The following RBFOX1 variants were observed in gnomAD, a reference collection of about 807,000 sequenced individuals.
RBFOX1 encodes the protein RNA binding fox-1 homolog 1, also known as RNA binding protein fox-1 homolog 1.
RBFOX1 carries 8 observed loss-of-function variants against 57.7 expected under a neutral mutation model. The ratio of observed to expected loss-of-function variants is 0.14; its 90% CI spans 0.08 to 0.25. The LOEUF is 0.25. RBFOX1 is among the 10% of genes least tolerant of loss of function. The pLI, the probability that RBFOX1 is intolerant of heterozygous loss-of-function variation, is 1.00. For synonymous variants in RBFOX1, 326 were observed against 222.4 expected, an observed-to-expected ratio of 1.47 and a Z score of -4.15; for missense variants, 611 against 548.5, an observed-to-expected ratio of 1.11 and a Z score of -1.14.
chr16:6,592,854 GT>G (rs1360060106), intron 2 of RBFOX1, among the ~76,000 whole-genome samples: 1 of 152,100 alleles, frequency 6.6e-6, no homozygotes, highest in African/African-American at 2.4e-5. Context: ...CTGATTAGCT[GT>G]TTTTTTCTCA....
At chr16:7,141,370 C>G (rs62017086) in intron 4 of RBFOX1, among the ~76,000 whole-genome samples, 35,717 of 152,054 alleles carry the variant, frequency 0.23, 4,569 homozygotes, top group Non-Finnish European at 0.28. Flanking sequence ...GATAGGACCC[C>G]TTCTCTGATG....
chr16:7,569,289 C>T (rs755273542), intron 5 of RBFOX1, among the ~76,000 whole-genome samples: 1 of 152,166 alleles, frequency 6.6e-6, no homozygotes, highest in African/African-American at 2.4e-5. Context: ...ACCAGGTTTA[C>T]AAGGATTGTA....
At position 6,510,391 on chromosome 16, in the gene RBFOX1, G is replaced by A. The variant is rs200979384; in HGVS notation, c.-63-144212G>A. ...AGCCAACTCCCAGTTTCCCGATGCC[G>A]TTCTGCTCTTGTTGTTGATGACACG... is the stretch of plus-strand genomic sequence containing the variant. On this transcript the variant is annotated intron_variant, in intron 2 of 15. Coordinates refer to ENST00000550418, the MANE Select transcript of RBFOX1 (RefSeq NM_018723.4). Among the ~76,000 whole-genome samples, 11 of 152,094 alleles carry A rather than the reference G, an allele frequency of 7.2e-5. 1 individual carries two copies. In the East Asian group the frequency reaches 1.4e-3, roughly 19 times the overall value.
chr16:7,023,543 A>G (rs920887029), intron 3 of RBFOX1, among the ~76,000 whole-genome samples: 3 of 138,498 alleles, frequency 2.2e-5, no homozygotes, highest in East Asian at 2.2e-4. Context: ...CCTGGCCAAC[A>G]TGGTGAAACT....
Position 5,709,901 on chromosome 16 carries a change from C to T in RBFOX1, c.318+110940C>T, listed in dbSNP as rs138632384. On this transcript the variant is annotated intron_variant, in intron 3 of 19. Coordinates refer to the RBFOX1 transcript ENST00000641259. ...TTACCATTTCCTTTATTCTTCACAA[C>T]GGCCCCGTGAATTATGCATTATTGC... Among the ~76,000 whole-genome samples, 849 of 120,812 alleles carry T rather than the reference C, an allele frequency of 7.0e-3. 12 individuals carry two copies. Among genetic ancestry groups the T allele is most frequent in the African/African-American group, 0.025 (767 of 30,678 alleles). 79.3% of individuals were successfully genotyped at this position (120,812 alleles called of 152,430 possible).
intron 3 of RBFOX1, among the ~76,000 whole-genome samples, chr16:6,775,466 A>AG (rs922514930): frequency 1.3e-5 from 2 of 152,128 alleles, no homozygotes; most frequent in African/African-American, 4.8e-5. Context: ...CCCAAAAAGA[A>AG]AAAAAAATAG....
At position 7,251,405 on chromosome 16, in the gene RBFOX1, G is replaced by T. The variant is rs536344995; in HGVS notation, c.27+199307G>T. Among the ~76,000 whole-genome samples the T allele has an allele frequency of 8.4e-4, 108 of 127,924 alleles. 1 individual carries two copies. Among genetic ancestry groups the T allele is most frequent in the African/African-American group, 2.9e-3 (98 of 33,390 alleles). 83.9% of individuals were successfully genotyped at this position (127,924 alleles called of 152,430 possible). ...GTAGATACAGAGCATACTTCTGTCC[G>T]TTTTTTTTTTTTTTTTCTGTGGGGG... On this transcript the variant is annotated intron_variant, in intron 4 of 15. Coordinates refer to ENST00000550418, the MANE Select transcript of RBFOX1 (RefSeq NM_018723.4).
intron 13 of RBFOX1, among the ~76,000 whole-genome samples, chr16:7,674,650 C>T (rs1404159011): frequency 6.6e-6 from 1 of 152,162 alleles, no homozygotes; most frequent in African/African-American, 2.4e-5. Context: ...CTGTAACTGG[C>T]CAAGTCATAT....
intron 3 of RBFOX1, among the ~76,000 whole-genome samples, chr16:6,863,261 C>T (rs150930936): frequency 5.9e-5 from 9 of 152,130 alleles, no homozygotes; most frequent in East Asian, 1.9e-4. Flanking sequence ...AGGTTGGAGA[C>T]GAAGTATCTT....
chr16:5,703,381 A>G (rs1312203905), intron 3 of RBFOX1, among the ~76,000 whole-genome samples: 1 of 152,122 alleles, frequency 6.6e-6, no homozygotes, highest in African/African-American at 2.4e-5. Flanking sequence ...CAAAGCCTCT[A>G]AATTGGGATG....
At chr16:6,133,809 G>A (rs372466628) in intron 1 of RBFOX1, among the ~76,000 whole-genome samples, 37 of 152,044 alleles carry the variant, frequency 2.4e-4, no homozygotes, top group African/African-American at 6.8e-4. Flanking sequence ...TGTGCTTCAT[G>A]CCTCATGTGC....
chr16:5,620,651 A>G (rs1019540122), intron 3 of RBFOX1, among the ~76,000 whole-genome samples: 2 of 151,956 alleles, frequency 1.3e-5, no homozygotes, highest in African/African-American at 4.8e-5. Context: ...TTGTTGGATT[A>G]GGGCCACCCT....
At chr16:6,678,418 C>T (rs988039711) in intron 3 of RBFOX1, among the ~76,000 whole-genome samples, 24 of 151,910 alleles carry the variant, frequency 1.6e-4, no homozygotes, top group African/African-American at 5.3e-4. Flanking sequence ...GCCGCTGCAC[C>T]TGGCCAAAAG....
intron 1 of RBFOX1, among the ~76,000 whole-genome samples, chr16:5,410,944 C>A (rs11859738): frequency 0.11 from 15,989 of 152,248 alleles, 969 homozygotes; most frequent in African/African-American, 0.16. Flanking sequence ...AACTGGGGAT[C>A]ATGAAAGCAC....
intron 4 of RBFOX1, among the ~76,000 whole-genome samples, chr16:7,232,418 A>C (rs989691836): frequency 6.6e-6 from 1 of 152,214 alleles, no homozygotes; most frequent in Middle Eastern, 3.2e-3. Context: ...AAACAAGTGA[A>C]TATTTATAGG....
At chr16:7,223,736 A>G (rs991941168) in intron 4 of RBFOX1, among the ~76,000 whole-genome samples, 3 of 151,674 alleles carry the variant, frequency 2.0e-5, no homozygotes, top group Non-Finnish European at 1.5e-5. Flanking sequence ...AAAAAAGAAA[A>G]AGAAATGAGC....
chr16:6,991,158 A>C (rs1483292173), intron 3 of RBFOX1, among the ~76,000 whole-genome samples: 3 of 149,746 alleles, frequency 2.0e-5, no homozygotes, highest in Admixed American at 6.6e-5. Flanking sequence ...AAAAAAAAAA[A>C]AAAAGACACG....
chr16:7,133,408 T>C (rs188595699), intron 4 of RBFOX1, among the ~76,000 whole-genome samples: 16 of 152,336 alleles, frequency 1.1e-4, no homozygotes, highest in African/African-American at 3.6e-4. Context: ...GCAATGGTCA[T>C]GTTTTTCCAA....
intron 2 of RBFOX1, among the ~76,000 whole-genome samples, chr16:6,469,490 A>T (rs981963204): frequency 6.6e-6 from 1 of 152,180 alleles, no homozygotes; most frequent in Non-Finnish European, 1.5e-5. Flanking sequence ...GGCCACGTGC[A>T]CTATGCGAAA....
Sources: gnomAD v4.1 joint callset for allele counts (sites outside exome capture counted in the v4.1 genomes callset) on GRCh38, gnomAD v4.1.1 for gene constraint, MANE v1.5 for transcripts, NCBI Gene and HGNC (gene_info 2026-07-23, HGNC 2026-07-21) for gene names.